Variants in SEM1 observed in about 807,000 individuals in gnomAD.
The protein encoded by SEM1 is 26S proteasome complex subunit SEM1.
A neutral mutation model predicts 12.7 loss-of-function variants in SEM1; 3 were observed. The observed-to-expected ratio is 0.24, with a 90% CI of 0.11 to 0.61. The LOEUF (loss-of-function observed/expected upper bound fraction) is 0.61. SEM1 is among the 20% of genes least tolerant of loss of function. SEM1 has a pLI of 0.88. For missense variants in SEM1, 59 were observed against 81.3 expected (o/e 0.73, Z 1.06); for synonymous variants, 30 against 27.8 (o/e 1.08, Z -0.25).
chr7:96,678,357 T>C (rs1161541989), intron 2 of SEM1, among the ~76,000 whole-genome samples: 2 of 152,150 alleles, frequency 1.3e-5, no homozygotes, highest in South Asian at 2.1e-4. Context: ...CACAAATATA[T>C]AGATGACAGA....
At chr7:96,647,333 T>C (rs1750256963) in intron 2 of SEM1, 1 of 152,230 alleles carries the variant, frequency 6.6e-6, no homozygotes, top group Non-Finnish European at 1.5e-5. Flanking sequence ...GCTTGGAATA[T>C]ATAAGCAATC....
At chr7:96,587,984 A>G (rs1433683191) in intron 2 of SEM1, among the ~76,000 whole-genome samples, 4 of 152,148 alleles carry the variant, frequency 2.6e-5, no homozygotes, top group Non-Finnish European at 1.5e-5. Context: ...CATGTTAACA[A>G]CGAAGTATTA....
chr7:96,646,987 T>G (rs1265424645), intron 2 of SEM1, among the ~76,000 whole-genome samples: 6 of 152,220 alleles, frequency 3.9e-5, no homozygotes, highest in Non-Finnish European at 7.3e-5. Flanking sequence ...ATCCACATAT[T>G]AAGCATTGAG....
chr7:96,582,358 G>A (rs1233181223), intron 2 of SEM1, among the ~76,000 whole-genome samples: 1 of 150,102 alleles, frequency 6.7e-6, no homozygotes, highest in Non-Finnish European at 1.5e-5. Flanking sequence ...TTGATGTGCT[G>A]CTGGATTCTG....
intron 2 of SEM1, among the ~76,000 whole-genome samples, chr7:96,592,999 T>TTTAA (rs60512379): frequency 7.8e-6 from 1 of 128,084 alleles, no homozygotes; most frequent in African/African-American, 3.0e-5. Context: ...TCTCCCATAT[T>TTTAA]AAAAAAAAAA....
At chr7:96,548,760 G>A (rs117191785) in intron 2 of SEM1, among the ~76,000 whole-genome samples, 1 of 152,114 alleles carries the variant, frequency 6.6e-6, no homozygotes, top group South Asian at 2.1e-4. Flanking sequence ...TATCTGTAGC[G>A]AGTAGAAGAG....
At chr7:96,525,088 T>C (rs1423788135) in intron 2 of SEM1, among the ~76,000 whole-genome samples, 1 of 152,112 alleles carries the variant, frequency 6.6e-6, no homozygotes, top group Admixed American at 6.6e-5. Context: ...TCTGAATGTC[T>C]TGACCCTGGC....
At chr7:96,596,217 T>G (rs1806995630) in intron 2 of SEM1, among the ~76,000 whole-genome samples, 1 of 152,200 alleles carries the variant, frequency 6.6e-6, no homozygotes, top group Admixed American at 6.5e-5. Flanking sequence ...GGCGGATTCT[T>G]AATAGCTCAA....
At chr7:96,533,792 T>G (rs1804710393) in intron 2 of SEM1, among the ~76,000 whole-genome samples, 1 of 152,038 alleles carries the variant, frequency 6.6e-6, no homozygotes, top group African/African-American at 2.4e-5. Context: ...TCATTTGAAC[T>G]GATGGTTCAA....
chr7:96,610,487 T>C lies in SEM1; in HGVS notation c.170+84311A>G, dbSNP rs74457455. Among the ~76,000 whole-genome samples, 771 of 152,310 alleles carry C rather than the reference T, an allele frequency of 5.1e-3. 34 individuals are homozygous for C. The South Asian group carries it at 0.091, about 18-fold the overall frequency. ...AATAATATAGACACCAATGATACTC[T>C]AGGTAAGAGACAAGAGAGGTAGGCA... On this transcript the variant is annotated intron_variant and NMD_transcript_variant, in intron 2 of 3. Transcript: ENST00000466986.
chr7:96,660,763 A>G (rs1465145749), intron 2 of SEM1, among the ~76,000 whole-genome samples: 1 of 152,166 alleles, frequency 6.6e-6, no homozygotes, highest in African/African-American at 2.4e-5. Context: ...CCTGAAGAAT[A>G]CACATTATTT....
At chr7:96,536,614 A>G (rs1804792693) in intron 2 of SEM1, among the ~76,000 whole-genome samples, 1 of 151,810 alleles carries the variant, frequency 6.6e-6, no homozygotes, top group African/African-American at 2.4e-5. Flanking sequence ...GCACATACAC[A>G]TCAAGGATTG....
intron 2 of SEM1, among the ~76,000 whole-genome samples, chr7:96,655,404 C>T (rs951495679): frequency 1.3e-5 from 2 of 150,682 alleles, no homozygotes; most frequent in East Asian, 1.9e-4. Context: ...TTGAACAGCT[C>T]TACTAAAGTA....
chr7:96,641,107 G>A (rs916207715), intron 2 of SEM1, among the ~76,000 whole-genome samples: 1 of 149,500 alleles, frequency 6.7e-6, no homozygotes, highest in Non-Finnish European at 1.5e-5. Context: ...AATATTTTTA[G>A]GTAGTATTTT....
chr7:96,564,224 A>T (rs577785465), intron 2 of SEM1, among the ~76,000 whole-genome samples: 1 of 151,962 alleles, frequency 6.6e-6, no homozygotes, highest in Non-Finnish European at 1.5e-5. Context: ...AATTTTTCTC[A>T]TTATTTATAA....
chr7:96,570,908 A>G (rs552707881), intron 2 of SEM1, among the ~76,000 whole-genome samples: 2 of 150,154 alleles, frequency 1.3e-5, no homozygotes, highest in Middle Eastern at 7.1e-3. Flanking sequence ...CTGGCATGAG[A>G]TGGTATCTTA....
At chr7:96,686,487 C>T (rs888664747), downstream of SEM1, among the ~76,000 whole-genome samples, 9 of 152,156 alleles carry the variant, frequency 5.9e-5, no homozygotes, top group Admixed American at 3.9e-4. Flanking sequence ...AGTAATCTGA[C>T]ACTGTTAGGG....
rs1204711006 is a variant in SEM1, at chr7:96,508,910, C to T, written c.171-2212G>A. Among the ~76,000 whole-genome samples, 4 of 151,894 alleles carry T rather than the reference C, an allele frequency of 2.6e-5. No homozygotes were observed. In the East Asian group the frequency reaches 7.8e-4, roughly 30 times the overall value. Reference sequence around the variant, plus strand: ...ACGTCTTTACTTGATAACTCTAAATCAGGTGGGATTTGAAAAAGTGTAGTG... The same window carrying T: ...ACGTCTTTACTTGATAACTCTAAATTAGGTGGGATTTGAAAAAGTGTAGTG... On this transcript the variant is annotated intron_variant and NMD_transcript_variant, in intron 2 of 3. Transcript: ENST00000466986.
At chr7:96,556,441 C>T (rs530164042) in intron 2 of SEM1, among the ~76,000 whole-genome samples, 144 of 152,168 alleles carry the variant, frequency 9.5e-4, no homozygotes, top group South Asian at 1.9e-3. Context: ...ATTTCTCCTT[C>T]GCTTATGAAG....
Sources: allele counts gnomAD v4.1 joint callset (sites outside exome capture counted in the v4.1 genomes callset), GRCh38; gene constraint gnomAD v4.1.1; transcripts MANE v1.5; gene names NCBI Gene and HGNC (gene_info 2026-07-23, HGNC 2026-07-21).